The following CCL26 variants were observed in gnomAD, a reference collection of about 807,000 sequenced individuals.
CCL26 encodes the protein C-C motif chemokine ligand 26, also known as C-C motif chemokine 26.
A neutral mutation model predicts 10.7 loss-of-function variants in CCL26; 10 were observed. The observed-to-expected ratio is 0.93, with a 90% confidence interval of 0.57 to 1.58. The LOEUF is 1.58. CCL26 is among the 40% of genes most tolerant of loss of function. The probability of loss-of-function intolerance (pLI) is 0.00; values close to 1 mark genes in which losing one functional copy is unlikely to be tolerated. For synonymous variants in CCL26, 43 were observed against 41.4 expected (o/e 1.04, Z -0.15); for missense variants, 116 against 111.0 (o/e 1.05, Z -0.20).
upstream of CCL26, among the ~76,000 whole-genome samples, chr7:75,790,815 G>C (rs1803314347): frequency 6.6e-6 from 1 of 151,674 alleles, no homozygotes; most frequent in Admixed American, 6.6e-5. Context: ...GTGATAGTGA[G>C]TGCCTGTAGT....
At chr7:75,773,589 T>G (rs570739763), upstream of CCL26, among the ~76,000 whole-genome samples, 712 of 151,966 alleles carry the variant, frequency 4.7e-3, 3 homozygotes, top group Middle Eastern at 0.017. Flanking sequence ...TGTGTGTGTG[T>G]GTGGGGCCAG....
At chr7:75,784,479 C>T (rs868973539) in intron 1 of CCL26, among the ~76,000 whole-genome samples, 1 of 152,110 alleles carries the variant, frequency 6.6e-6, no homozygotes, top group Non-Finnish European at 1.5e-5. Flanking sequence ...GAGAGTAAGT[C>T]GTCCCCTTCT....
At chr7:75,772,655 A>G, upstream of CCL26, among the ~76,000 whole-genome samples, 1 of 93,484 alleles carries the variant, frequency 1.1e-5, no homozygotes, top group African/African-American at 3.8e-5. Flanking sequence ...AGACTCTGCC[A>G]AAAAAAAAAA....
At chr7:75,780,191 G>A (rs1803031907) in intron 1 of CCL26, among the ~76,000 whole-genome samples, 2 of 150,874 alleles carry the variant, frequency 1.3e-5, no homozygotes, top group African/African-American at 4.9e-5. Flanking sequence ...CACTTTCCTG[G>A]GGGGCAAGCA....
At chr7:75,790,010 C>CTCCCTCCG (rs782746793), upstream of CCL26, 5 of 144,192 alleles carry the variant, frequency 3.5e-5, no homozygotes, top group African/African-American at 1.3e-4. Context: ...CCCTCCCTCC[C>CTCCCTCCG]TCCCTCCCTT....
intron 1 of CCL26, among the ~76,000 whole-genome samples, chr7:75,787,651 C>CAAAAAAA (rs55770109): frequency 0.025 from 697 of 27,394 alleles, 19 homozygotes; most frequent in Non-Finnish European, 0.028. Flanking sequence ...TCTCCAAAAG[C>CAAAAAAA]AAAAAAAAAA....
intron 1 of CCL26, among the ~76,000 whole-genome samples, chr7:75,781,512 T>G (rs555332344): frequency 1.3e-4 from 20 of 152,288 alleles, no homozygotes; most frequent in African/African-American, 4.8e-4. Context: ...GGGACCCCAA[T>G]GAAAATAGGA....
upstream of CCL26, among the ~76,000 whole-genome samples, chr7:75,790,831 C>A (rs919471026): frequency 4.0e-5 from 6 of 151,590 alleles, no homozygotes; most frequent in African/African-American, 1.5e-4. Context: ...GTAGTCTCAG[C>A]TACTCGGGAG....
intron 1 of CCL26, among the ~76,000 whole-genome samples, chr7:75,785,204 C>T (rs1554529851): frequency 6.6e-6 from 1 of 152,142 alleles, no homozygotes; most frequent in Non-Finnish European, 1.5e-5. Context: ...CCCCTGCACC[C>T]CTCATCCCAG....
At chr7:75,790,178 C>CCTTCCTTCCTTCCTTT (rs60788546), upstream of CCL26, among the ~76,000 whole-genome samples, 92 of 44,330 alleles carry the variant, frequency 2.1e-3, 2 homozygotes, top group East Asian at 7.9e-3. Flanking sequence ...TTCCTTCCTT[C>CCTTCCTTCCTTCCTTT]CTTTCTTTCT....
chr7:75,784,617 C>A (rs1368287386), intron 1 of CCL26, among the ~76,000 whole-genome samples: 1 of 152,158 alleles, frequency 6.6e-6, no homozygotes, highest in Non-Finnish European at 1.5e-5. Context: ...AACTCTGGTG[C>A]CAACTTGGAC....
At chr7:75,791,269 C>T (rs1554530822), upstream of CCL26, among the ~76,000 whole-genome samples, 2 of 152,128 alleles carry the variant, frequency 1.3e-5, no homozygotes, top group Admixed American at 1.3e-4. Flanking sequence ...TCGTGATCCA[C>T]CCGCCTCAGC....
chr7:75,789,459 C>CTTTTTTTTTTT (rs782166200), intron 1 of CCL26, among the ~76,000 whole-genome samples: 1 of 104,278 alleles, frequency 9.6e-6, no homozygotes, highest in African/African-American at 4.1e-5. Context: ...TTCTCTTTTT[C>CTTTTTTTTTTT]TCTTTTTTTT....
intron 2 of CCL26, among the ~76,000 whole-genome samples, chr7:75,770,729 T>G (rs1188421987): frequency 2.0e-5 from 3 of 151,958 alleles, no homozygotes; most frequent in Non-Finnish European, 4.4e-5. Flanking sequence ...CAGGCTGGAG[T>G]GCAGTGGCGC....
intron 1 of CCL26, among the ~76,000 whole-genome samples, chr7:75,789,183 GAT>G (rs1301607302): frequency 6.7e-6 from 1 of 149,578 alleles, no homozygotes; most frequent in East Asian, 2.0e-4. Flanking sequence ...GGCCTCAAGT[GAT>G]CCTCCTGCCT....
chr7:75,789,459 C>CTTTTTT (rs782166200), intron 1 of CCL26, among the ~76,000 whole-genome samples: 10 of 104,276 alleles, frequency 9.6e-5, no homozygotes, highest in South Asian at 6.1e-4. Flanking sequence ...TTCTCTTTTT[C>CTTTTTT]TCTTTTTTTT....
chr7:75,776,455 C>T (rs529232523), upstream of CCL26, among the ~76,000 whole-genome samples: 26 of 150,050 alleles, frequency 1.7e-4, no homozygotes, highest in Admixed American at 4.7e-4. Context: ...GCAGGAGGAT[C>T]GCTTGAGGCC....
chr7:75,789,485 T>C lies in CCL26; in HGVS notation c.-79+232A>G, dbSNP rs538699042. Among the ~76,000 whole-genome samples the C allele has an allele frequency of 2.5e-3, 368 of 148,002 alleles. 2 individuals carry two copies. The highest frequency in any genetic ancestry group is 8.6e-3 in the African/African-American group (346 of 40,080). On this transcript the variant is annotated intron_variant, in intron 1 of 3. Transcript: ENST00000394905. ...TCTTTTTTTTTTTTTTTTGCCAGAA[T>C]GTTTCTCATTTCAAGAGAAAGTGCT...
chr7:75,788,392 C>T (rs1428630286), intron 1 of CCL26, among the ~76,000 whole-genome samples: 2 of 152,132 alleles, frequency 1.3e-5, no homozygotes, highest in Non-Finnish European at 2.9e-5. Flanking sequence ...GAGAACAACC[C>T]CTTTTGACTG....
Sources: gnomAD v4.1 joint callset for allele counts (sites outside exome capture counted in the v4.1 genomes callset) on GRCh38, gnomAD v4.1.1 for gene constraint, MANE v1.5 for transcripts, NCBI Gene and HGNC (gene_info 2026-07-23, HGNC 2026-07-21) for gene names.